RCCD1: variants seen among roughly 807,000 people sequenced by gnomAD.
RCCD1 encodes the protein RCC1 domain containing 1.
Under a neutral mutation model 37.6 loss-of-function variants are expected in RCCD1, and 40 were observed. That is an observed-to-expected ratio of 1.06 (90% CI 0.83 to 1.39). The LOEUF (loss-of-function observed/expected upper bound fraction) is 1.39. Ranked by LOEUF, RCCD1 falls within the 40% of genes most tolerant of loss-of-function variation. The probability of loss-of-function intolerance (pLI) is 0.00; values close to 1 mark genes in which losing one functional copy is unlikely to be tolerated. For missense variants in RCCD1, 577 were observed against 517.3 expected (o/e 1.12, Z -1.12); for synonymous variants, 263 against 230.0 (o/e 1.14, Z -1.30).
chr15:90,961,368 G>A (rs1007914742), intron 7 of RCCD1: 6 of 581,020 alleles, frequency 1.0e-5, no homozygotes, highest in East Asian at 2.9e-5. Flanking sequence ...AAAAAGATTC[G>A]ATGGAAGTGT....
intron 2 of RCCD1, 30 bp downstream of exon 2, chr15:90,956,930 T>C (rs929977990): frequency 3.9e-6 from 5 of 1,270,610 alleles, no homozygotes; most frequent in African/African-American, 1.5e-5. Flanking sequence ...TCCCCACTTA[T>C]TCCAGCCGCG....
At position 90,961,817 on chromosome 15, in the gene RCCD1, G is replaced by T; in HGVS notation, c.*48G>T. 1.3e-6 allele frequency: 2 copies of T among 1,576,612 alleles called. No individual in the cohort carries two copies. Among genetic ancestry groups the T allele is most frequent in the South Asian group, 1.2e-5 (1 of 86,186 alleles). On this transcript the variant is annotated 3_prime_UTR_variant, in exon 8 of 8. Coordinates refer to ENST00000394258, the MANE Select transcript of RCCD1 (RefSeq NM_001017919.2). ...CAACACCTGTGAGACCCCCATTCAG[G>T]TCAAGGAAAACCATTGCCTGCACCC...
intron 4 of RCCD1, among the ~76,000 whole-genome samples, chr15:90,959,236 G>T (rs2037266147): frequency 1.3e-5 from 2 of 152,186 alleles, no homozygotes; most frequent in South Asian, 2.1e-4. Context: ...GCTATTGTGA[G>T]AATTAAGTGA....
rs568404773 is a variant in RCCD1 at position 90,956,040 on chromosome 15, A to G, written c.-123-572A>G. 2.0e-4 allele frequency among the ~76,000 whole-genome samples: 30 copies of G among 152,290 alleles called. No individual in the cohort carries two copies. The South Asian group carries it at 5.2e-3, about 26-fold the overall frequency. On this transcript the variant is annotated intron_variant, in intron 1 of 7. Transcript: ENST00000394258. ...AAACCCTTTATTTGCATTTATTACAATTCTGTGAGGAAGGTTCAAACAGCA... is the reference window on the plus strand; with the variant it reads ...AAACCCTTTATTTGCATTTATTACAGTTCTGTGAGGAAGGTTCAAACAGCA...
rs2037315118 is a variant in RCCD1, at chr15:90,961,617, G to C, written c.980-1G>C. 1 of 1,611,500 alleles carries C rather than the reference G, an allele frequency of 6.2e-7. No homozygotes were observed. On this transcript the variant is annotated splice_acceptor_variant, in intron 7 of 7. Transcript: ENST00000394258. LOFTEE classifies it high-confidence loss of function. ...TGGCAAAGGGGCTGATTTCACTTTAGGTAAATATGGACAGCTGGGCCACGA... is the reference window on the plus strand; with the variant it reads ...TGGCAAAGGGGCTGATTTCACTTTACGTAAATATGGACAGCTGGGCCACGA...
intron 6 of RCCD1, 92 bp from the exon 7 acceptor site, chr15:90,960,933 A>G (rs1261695804): frequency 1.7e-6 from 2 of 1,164,430 alleles, no homozygotes; most frequent in Non-Finnish European, 2.6e-6. Flanking sequence ...GAGGATTGTA[A>G]TATGCTAGCT....
intron 4 of RCCD1, among the ~76,000 whole-genome samples, chr15:90,958,543 G>A (rs916490037): frequency 1.8e-4 from 26 of 143,424 alleles, no homozygotes; most frequent in Non-Finnish European, 2.7e-4. Flanking sequence ...CAGGAGAATC[G>A]TTTGAACCTG....
In RCCD1 at chr15:90,960,239, C is replaced by G. The variant is rs1291903495; in HGVS notation, c.779-89C>G. 5 of 1,352,954 alleles carry G rather than the reference C, an allele frequency of 3.7e-6. No homozygotes were observed. In the African/African-American group the frequency reaches 7.2e-5, roughly 20 times the overall value. 83.8% of individuals were successfully genotyped at this position (1,352,954 alleles called of 1,614,324 possible). On this transcript the variant is annotated intron_variant, in intron 5 of 7. Coordinates refer to ENST00000394258, the MANE Select transcript of RCCD1 (RefSeq NM_001017919.2). ...GCTTTGGAGCTAGGCAGTCGTGTAC[C>G]TCAGAGCTGTTGTGGCAATAAGTGA...
intron 5 of RCCD1, 21 bp from the exon 6 acceptor site, chr15:90,960,307 A>C (rs562663393): frequency 6.3e-7 from 1 of 1,581,844 alleles, no homozygotes; most frequent in South Asian, 1.1e-5. Context: ...TGGTGTTCAC[A>C]TCATTATTAT....
In RCCD1 at chr15:90,957,333, CCAGGCTGGGAGGCT is replaced by C; in HGVS notation, c.388_401del (p.Gln130ThrfsTer80). ...GGGAAGACGATCCGGCCGGTGAGGC[CCAGGCTGGGAGGCT>C]ACCCCTGCTGCCCTGCGCCCGTGCC... On this transcript the variant is annotated frameshift_variant, in exon 3 of 8. Transcript: ENST00000394258. LOFTEE classifies it high-confidence loss of function. The C allele has an allele frequency of 6.5e-7, 1 of 1,545,910 alleles. No homozygotes were observed.
rs550217841 is a variant in RCCD1 at position 90,956,750 on chromosome 15, C to T, written c.16C>T (p.Pro6Ser). ...CTGCTCGGGCATGGCGGAGGAGCGGCCGGGGGCCTGGTTCGGCTTCGGTTT... is the reference window on the plus strand; with the variant it reads ...CTGCTCGGGCATGGCGGAGGAGCGGTCGGGGGCCTGGTTCGGCTTCGGTTT... The part of the protein sequence containing the change: MAEER[P>S]GAWFGFGFCG... Residue 6 changes from proline (P) to serine (S), a missense_variant, in exon 2 of 8, where the codon CCG (proline) becomes TCG (serine). Transcript: ENST00000394258. The T allele has an allele frequency of 2.6e-5, 35 of 1,322,942 alleles. No individual in the cohort carries two copies. Among genetic ancestry groups the T allele is most frequent in the East Asian group, 2.8e-5 (1 of 35,210 alleles). 82.0% of individuals were successfully genotyped at this position (1,322,942 alleles called of 1,614,324 possible).
At position 90,962,627 on chromosome 15, in the gene RCCD1, C is replaced by CA. The variant is rs2037337507; in HGVS notation, c.*859dup. On this transcript the variant is annotated 3_prime_UTR_variant, in exon 8 of 8. Transcript: ENST00000394258. ...TTTTGGATGGCTGGGCATGGTGGCT[C>CA]ACACCTGTAGTCCCAGCACTTTGGG... 1 of 152,226 alleles carries CA rather than the reference C, an allele frequency of 6.6e-6. No individual in the cohort carries two copies. The highest frequency in any genetic ancestry group is 1.5e-5 in the Non-Finnish European group (1 of 68,062). The allele number at this position is 152,226 out of a possible 1,614,324, so 9.4% of individuals were successfully genotyped here.
intron 1 of RCCD1, among the ~76,000 whole-genome samples, chr15:90,956,293 A>AT (rs1001492923): frequency 3.9e-5 from 6 of 152,324 alleles, no homozygotes; most frequent in African/African-American, 1.2e-4. Context: ...ACTTTGTCTC[A>AT]GAATCTCCTC....
At position 90,957,455 on chromosome 15, in the gene RCCD1, C is replaced by G. The variant is rs533157341; in HGVS notation, c.509C>G (p.Ala170Gly). 4 of 1,541,088 alleles carry G rather than the reference C, an allele frequency of 2.6e-6. No individual in the cohort carries two copies. Among genetic ancestry groups the G allele is most frequent in the Non-Finnish European group, 3.5e-6 (4 of 1,146,970 alleles). Residue 170 changes from alanine (A) to glycine (G), a missense_variant, in exon 3 of 8, where the codon GCG becomes GGG. Transcript: ENST00000394258. ...ARQLELGAEH[A>G]LLLDAAGQVF... Reference sequence around the variant, plus strand: ...CAGCTGGAGCTGGGCGCCGAGCACGCGTTGCTGCTGGACGCTGCTGGCCAG... The same window carrying G: ...CAGCTGGAGCTGGGCGCCGAGCACGGGTTGCTGCTGGACGCTGCTGGCCAG...
At position 90,961,625 on chromosome 15, in the gene RCCD1, T is replaced by C. The variant is rs1567170029; in HGVS notation, c.987T>C (p.Tyr329=). The change falls in exon 8 of 8, where the codon TAT becomes TAC. Residue 329 remains tyrosine (Y), a synonymous_variant. Transcript: ENST00000394258. ...GGGCTGATTTCACTTTAGGTAAATATGGACAGCTGGGCCACGAGGACACCA... is the reference window on the plus strand; with the variant it reads ...GGGCTGATTTCACTTTAGGTAAATACGGACAGCTGGGCCACGAGGACACCA... ...GELYTWGWGK[Y]GQLGHEDTTS... 4.3e-6 allele frequency: 7 copies of C among 1,612,722 alleles called. No individual in the cohort carries two copies. Among genetic ancestry groups the C allele is most frequent in the Admixed American group, 1.7e-5 (1 of 59,788 alleles).
intron 4 of RCCD1, 85 bp from the exon 5 acceptor site, chr15:90,959,815 C>A: frequency 9.2e-7 from 1 of 1,081,114 alleles, no homozygotes; most frequent in Non-Finnish European, 1.4e-6. Flanking sequence ...TAGTTGTCCC[C>A]AGGAGCGGAT....
intron 2 of RCCD1, 67 bp downstream of exon 2, chr15:90,956,967 G>A (rs2037209009): frequency 7.8e-7 from 1 of 1,282,126 alleles, no homozygotes; most frequent in Non-Finnish European, 9.8e-7. Context: ...CCGCACCGCT[G>A]TGGCCAGTCC....
In RCCD1 at chr15:90,957,182, C is replaced by G; in HGVS notation, c.236C>G (p.Ser79Trp). The part of the protein sequence containing the change: ...AAGRCKDAWA[S>W]EGLLAVLRAG... The stretch of plus-strand genomic sequence containing the variant: ...GGCCGCTGCAAGGACGCGTGGGCCT[C>G]GGAGGGGCTCCTCGCGGTGCTGCGC... The change falls in exon 3 of 8, where the codon TCG becomes TGG. Residue 79 changes from serine (S) to tryptophan (W), a missense_variant. Coordinates refer to ENST00000394258, the MANE Select transcript of RCCD1 (RefSeq NM_001017919.2). 7.2e-7 allele frequency: 1 copy of G among 1,387,478 alleles called. No homozygotes were observed. The highest frequency in any genetic ancestry group is 9.3e-7 in the Non-Finnish European group (1 of 1,076,904). 85.9% of individuals were successfully genotyped at this position (1,387,478 alleles called of 1,614,324 possible). A position where few individuals can be genotyped will look rare whatever the true frequency, so the allele number is the denominator to read the frequency against.
Position 90,957,093 on chromosome 15 carries a change from T to G in RCCD1, c.167-20T>G. 7.5e-7 allele frequency: 1 copy of G among 1,337,918 alleles called. No homozygotes were observed. The highest frequency in any genetic ancestry group is 9.5e-7 in the Non-Finnish European group (1 of 1,049,860). 82.9% of individuals were successfully genotyped at this position (1,337,918 alleles called of 1,614,324 possible). A position where few individuals can be genotyped will look rare whatever the true frequency, so the allele number is the denominator to read the frequency against. ...CCCGCCGCCTCCATTCTGGCCACCC[T>G]GCTCCAATCCGCCCCGCAGGTGGAG... is the stretch of plus-strand genomic sequence containing the variant. On this transcript the variant is annotated intron_variant, in intron 2 of 7. Transcript: ENST00000394258.
Sources: gnomAD v4.1 joint callset for allele counts (sites outside exome capture counted in the v4.1 genomes callset) on GRCh38, gnomAD v4.1.1 for gene constraint, MANE v1.5 for transcripts, NCBI Gene and HGNC (gene_info 2026-07-23, HGNC 2026-07-21) for gene names.